The following CAMTA1 variants were observed in gnomAD, a reference collection of about 807,000 sequenced individuals.
CAMTA1 encodes the protein calmodulin-binding transcription activator 1.
In CAMTA1, 27 loss-of-function variants were observed where a neutral mutation model predicts 170.9. That is an observed-to-expected ratio of 0.16 (90% CI 0.12 to 0.22). The LOEUF is 0.22. CAMTA1 is among the 10% of genes least tolerant of loss of function. The pLI is 1.00. For synonymous variants in CAMTA1, 833 were observed against 891.5 expected, an observed-to-expected ratio of 0.93 and a Z score of 1.17; for missense variants, 1,619 against 2,217.2, an observed-to-expected ratio of 0.73 and a Z score of 5.42.
intron 3 of CAMTA1, among the ~76,000 whole-genome samples, chr1:7,071,867 G>A (rs1183015738): frequency 6.6e-6 from 1 of 152,220 alleles, no homozygotes; most frequent in Admixed American, 6.5e-5. Flanking sequence ...TTATCCAAAT[G>A]AGCAAAGAGG....
At chr1:7,313,332 G>C (rs1009399364) in intron 5 of CAMTA1, among the ~76,000 whole-genome samples, 1 of 152,144 alleles carries the variant, frequency 6.6e-6, no homozygotes, top group South Asian at 2.1e-4. Context: ...GAGTCCTGGC[G>C]GTACTCTGCT....
At chr1:7,046,015 T>A (rs528205158) in intron 3 of CAMTA1, among the ~76,000 whole-genome samples, 4 of 149,278 alleles carry the variant, frequency 2.7e-5, no homozygotes, top group Non-Finnish European at 5.9e-5. Context: ...AACCCAGCTC[T>A]TCTGAAAGGG....
rs574221176 is a variant in CAMTA1 at position 7,513,668 on chromosome 1, A to C, written c.510+45767A>C. 1.7e-4 allele frequency among the ~76,000 whole-genome samples: 26 copies of C among 152,234 alleles called. No homozygotes were observed. The South Asian group carries it at 5.2e-3, about 30-fold the overall frequency. ...CTGGGCGTGGTGGCTCACACCTGTA[A>C]TCCCAGCACTTTGGGAGGCCGAGAT... On this transcript the variant is annotated intron_variant, in intron 6 of 22. Coordinates refer to ENST00000303635, the MANE Select transcript of CAMTA1 (RefSeq NM_015215.4).
chr1:7,552,173 C>A (rs1049030786), intron 6 of CAMTA1, among the ~76,000 whole-genome samples: 8 of 125,992 alleles, frequency 6.3e-5, no homozygotes, highest in African/African-American at 2.0e-4. Context: ...GATGAAGTAG[C>A]CTTCTGAAGG....
At position 7,443,259 on chromosome 1, in the gene CAMTA1, G is replaced by A. The variant is rs1054003431; in HGVS notation, c.439-24571G>A. Among the ~76,000 whole-genome samples the A allele has an allele frequency of 1.3e-5, 2 of 152,238 alleles. No individual in the cohort carries two copies. Among genetic ancestry groups the A allele is most frequent in the Non-Finnish European group, 2.9e-5 (2 of 68,044 alleles). On this transcript the variant is annotated intron_variant, in intron 5 of 22. Transcript: ENST00000303635. This position sits in a 1 kb window ranked among gnomAD's most constrained non-coding sequence, Gnocchi z 4.1. The stretch of plus-strand genomic sequence containing the variant: ...AAGTCCATTTCCCCACTTTCGTGGG[G>A]TACAGTCCCCTTGAGGCAGGGACCA...
At chr1:6,883,117 C>T (rs1439309923) in intron 3 of CAMTA1, among the ~76,000 whole-genome samples, 1 of 152,074 alleles carries the variant, frequency 6.6e-6, no homozygotes, top group Non-Finnish European at 1.5e-5. Context: ...TGGTCTCGAT[C>T]CCCTGACTTC....
At chr1:7,225,178 G>A (rs192951903) in intron 4 of CAMTA1, among the ~76,000 whole-genome samples, 4 of 152,134 alleles carry the variant, frequency 2.6e-5, no homozygotes, top group Non-Finnish European at 2.9e-5. Flanking sequence ...TCTGCCTCCC[G>A]GGCTCATGCC....
intron 5 of CAMTA1, among the ~76,000 whole-genome samples, chr1:7,313,999 C>T (rs1471938998): frequency 6.6e-6 from 1 of 152,202 alleles, no homozygotes; most frequent in Admixed American, 6.5e-5. Context: ...TCTAGATTCC[C>T]ACCCACAGCA....
At chr1:7,122,190 C>T (rs915481918) in intron 4 of CAMTA1, among the ~76,000 whole-genome samples, 2 of 152,062 alleles carry the variant, frequency 1.3e-5, no homozygotes, top group African/African-American at 2.4e-5. Flanking sequence ...CACCCTTGCC[C>T]TGTTCTTCTT....
chr1:6,826,673 C>T (rs1426116623), intron 3 of CAMTA1, among the ~76,000 whole-genome samples: 1 of 152,016 alleles, frequency 6.6e-6, no homozygotes, highest in African/African-American at 2.4e-5. Context: ...TGTATTTTTC[C>T]ATATTATATT....
At chr1:7,653,247 G>A (rs1222935819) in intron 7 of CAMTA1, among the ~76,000 whole-genome samples, 2 of 152,116 alleles carry the variant, frequency 1.3e-5, no homozygotes, top group Admixed American at 6.6e-5. Flanking sequence ...GGAGTACATA[G>A]TATTGTTATT....
rs181128635 is a variant in CAMTA1 at position 7,093,658 on chromosome 1, G to C, written c.302+2287G>C. Among the ~76,000 whole-genome samples, 5 of 152,266 alleles carry C rather than the reference G, an allele frequency of 3.3e-5. No individual in the cohort carries two copies. Among genetic ancestry groups the C allele is most frequent in the African/African-American group, 1.2e-4 (5 of 41,540 alleles). On this transcript the variant is annotated intron_variant, in intron 4 of 22. Coordinates refer to ENST00000303635, the MANE Select transcript of CAMTA1 (RefSeq NM_015215.4). This position sits in a 1 kb window ranked among gnomAD's most constrained non-coding sequence, Gnocchi z 4.6. ...CCTTTGGAATTTGGGTTACAATTGA[G>C]AAGGGGATGTCACTCAGGGTCATGC...
intron 4 of CAMTA1, among the ~76,000 whole-genome samples, chr1:7,126,137 G>A (rs1644918472): frequency 6.6e-6 from 1 of 152,100 alleles, no homozygotes; most frequent in South Asian, 2.1e-4. Flanking sequence ...ACAGTATGGG[G>A]GAAGCTGCCC....
At chr1:7,493,378 CACAA>C (rs5772279) in intron 6 of CAMTA1, among the ~76,000 whole-genome samples, 61,381 of 103,420 alleles carry the variant, frequency 0.59, 19,941 homozygotes, top group African/African-American at 0.79. Flanking sequence ...CGTGCGCACA[CACAA>C]ACAAACACGT....
At chr1:7,134,592 GCCACCATGCCTGGC>G (rs1645442806) in intron 4 of CAMTA1, among the ~76,000 whole-genome samples, 1 of 152,138 alleles carries the variant, frequency 6.6e-6, no homozygotes, top group Non-Finnish European at 1.5e-5. Flanking sequence ...ATAGGACTGA[GCCACCATGCCTGGC>G]CCACATTTTC....
At chr1:6,958,629 G>A (rs747313480) in intron 3 of CAMTA1, among the ~76,000 whole-genome samples, 3 of 152,202 alleles carry the variant, frequency 2.0e-5, no homozygotes, top group East Asian at 1.9e-4. Flanking sequence ...TGAATGTGAC[G>A]CAATAAGCCT....
At chr1:6,943,846 C>CCAAAA (rs1687122679) in intron 3 of CAMTA1, among the ~76,000 whole-genome samples, 1 of 51,700 alleles carries the variant, frequency 1.9e-5, no homozygotes, top group Non-Finnish European at 3.8e-5. Flanking sequence ...GACTCTGTCT[C>CCAAAA]AAAAAAAAAA....
At chr1:6,911,647 C>T (rs192662642) in intron 3 of CAMTA1, among the ~76,000 whole-genome samples, 5 of 152,280 alleles carry the variant, frequency 3.3e-5, no homozygotes, top group East Asian at 1.9e-4. Flanking sequence ...GCCCCCTGTC[C>T]GAGGCCAGAT....
At chr1:7,599,707 G>GAATA (rs1162582662) in intron 6 of CAMTA1, among the ~76,000 whole-genome samples, 1 of 152,168 alleles carries the variant, frequency 6.6e-6, no homozygotes, top group Non-Finnish European at 1.5e-5. Context: ...AAGCAGTTGT[G>GAATA]AATAGGAGTT....
Sources: gnomAD v4.1 joint callset for allele counts (sites outside exome capture counted in the v4.1 genomes callset) on GRCh38, gnomAD v4.1.1 for gene constraint, Gnocchi (gnomAD v3.1) non-coding constraint, MANE v1.5 for transcripts, NCBI Gene and HGNC (gene_info 2026-07-23, HGNC 2026-07-21) for gene names.